The following BCL11A variants were observed in gnomAD, a reference collection of about 807,000 sequenced individuals.
BCL11A encodes the protein B cell CLL/lymphoma 11A.
In BCL11A, 2 loss-of-function variants were observed where a neutral mutation model predicts 55.9. The ratio of observed to expected loss-of-function variants is 0.04; its 90% CI spans 0.01 to 0.11. The LOEUF is 0.11. Ranked by LOEUF, BCL11A falls within the 10% of genes least tolerant of loss-of-function variation. BCL11A has a pLI of 1.00. For synonymous variants in BCL11A, 465 were observed against 473.4 expected, an observed-to-expected ratio of 0.98 and a Z score of 0.23; for missense variants, 817 against 1,137.1, an observed-to-expected ratio of 0.72 and a Z score of 4.05.
intron 2 of BCL11A, among the ~76,000 whole-genome samples, chr2:60,496,311 T>A (rs1678946479): frequency 6.6e-6 from 1 of 152,142 alleles, no homozygotes. Context: ...GAGTGGACCA[T>A]CCCAGTGGTG....
intron 2 of BCL11A, chr2:60,522,802 T>G (rs1047820791): frequency 2.0e-5 from 3 of 152,260 alleles, no homozygotes; most frequent in Admixed American, 2.0e-4. Flanking sequence ...CTGCACAGAA[T>G]TCATTCACAG....
intron 2 of BCL11A, 128 bp from the exon 3 acceptor site, chr2:60,468,961 C>G (rs1274374611): frequency 2.1e-5 from 13 of 619,624 alleles, no homozygotes; most frequent in African/African-American, 1.4e-4. Context: ...AGATAGTTAA[C>G]AGGCCCAAGG....
intron 2 of BCL11A, among the ~76,000 whole-genome samples, chr2:60,505,889 A>C (rs1367121657): frequency 6.6e-6 from 1 of 152,148 alleles, no homozygotes; most frequent in Non-Finnish European, 1.5e-5. Context: ...TGGGCAGAAA[A>C]ATCTGCATCC....
intron 2 of BCL11A, among the ~76,000 whole-genome samples, chr2:60,482,889 T>C (rs1678042528): frequency 6.6e-6 from 1 of 152,254 alleles, no homozygotes; most frequent in South Asian, 2.1e-4. Context: ...CAATAATTGA[T>C]AGCAGAGTCA....
In BCL11A at chr2:60,461,138, C is replaced by A; in HGVS notation, c.1774G>T (p.Gly592Cys). The change falls in exon 4 of 4, where the codon GGC becomes TGC. Residue 592 changes from glycine (G) to cysteine (C), a missense_variant. Gly to Cys is a radical substitution (Grantham distance 159). Coordinates refer to ENST00000642384, the MANE Select transcript of BCL11A (RefSeq NM_022893.4). Reference protein sequence around the residue: ...RDTCDEDSVAGESDRIDDGTV... With the variant: ...RDTCDEDSVACESDRIDDGTV... ...CCATCGTCTATGCGGTCCGACTCGC[C>A]GGCCACCGAGTCTTCGTCGCAAGTG... 1 of 1,611,336 alleles carries A rather than the reference C, an allele frequency of 6.2e-7. No individual in the cohort carries two copies. The highest frequency in any genetic ancestry group is 1.3e-5 in the African/African-American group (1 of 75,014).
chr2:60,542,661 C>T (rs187141643), intron 2 of BCL11A: 2 of 152,298 alleles, frequency 1.3e-5, no homozygotes, highest in East Asian at 3.9e-4. Context: ...ATGTGTACAG[C>T]TCATATGTGT....
At chr2:60,495,643 A>T (rs1678902678) in intron 2 of BCL11A, 1 of 152,254 alleles carries the variant, frequency 6.6e-6, no homozygotes, top group Non-Finnish European at 1.5e-5. Flanking sequence ...TGTGATGCTT[A>T]CATATAACGT....
intron 2 of BCL11A, among the ~76,000 whole-genome samples, chr2:60,486,312 T>G (rs1572993375): frequency 6.6e-6 from 1 of 152,328 alleles, no homozygotes; most frequent in South Asian, 2.1e-4. Flanking sequence ...CTGGCCCACC[T>G]TGCCCCACCT....
downstream of BCL11A, chr2:60,452,686 AGAG>A (rs1161072325): frequency 6.9e-6 from 11 of 1,582,780 alleles, no homozygotes; most frequent in African/African-American, 1.2e-4. Context: ...GGTTGGAGAC[AGAG>A]GAGGGGGAAA....
rs986223749 is a variant in BCL11A at position 60,459,253 on chromosome 2, T to G, written c.*1151A>C. On this transcript the variant is annotated 3_prime_UTR_variant, in exon 4 of 4. Coordinates refer to ENST00000642384, the MANE Select transcript of BCL11A (RefSeq NM_022893.4). ...CACTTGACAACCAAGTAGATCTGGA[T>G]CTATTTCTTTTGGTGCCAGTATTTT... 130 of 1,018,808 alleles carry G rather than the reference T, an allele frequency of 1.3e-4. No individual in the cohort carries two copies. The highest frequency in any genetic ancestry group is 1.5e-4 in the Non-Finnish European group (124 of 849,064). The allele number at this position is 1,018,808 out of a possible 1,614,324, so 63.1% of individuals were successfully genotyped here.
chr2:60,534,200 T>G (rs1669575579), intron 2 of BCL11A: 1 of 152,208 alleles, frequency 6.6e-6, no homozygotes, highest in Admixed American at 6.5e-5. Context: ...AGGGAGACAC[T>G]GGGAGCCCAG....
intron 2 of BCL11A, chr2:60,537,105 C>G (rs1340258884): frequency 6.6e-6 from 1 of 152,164 alleles, no homozygotes; most frequent in Non-Finnish European, 1.5e-5. Context: ...GTTAAAAGGA[C>G]AGCAGTTGTT....
At position 60,553,292 on chromosome 2, in the gene BCL11A, CGGCGG is replaced by C; in HGVS notation, c.-27_-23del. ...ACATGGTGGGCTGCGGGGCGGGCGG[CGGCGG>C]CGGCGGCGGCGGCGGCGGGCGGACG... On this transcript the variant is annotated 5_prime_UTR_variant, in exon 1 of 4. Coordinates refer to ENST00000642384, the MANE Select transcript of BCL11A (RefSeq NM_022893.4). 6.7e-7 allele frequency: 1 copy of C among 1,494,140 alleles called. No individual in the cohort carries two copies. The allele number at this position is 1,494,140 out of a possible 1,614,324, so 92.6% of individuals were successfully genotyped here.
chr2:60,546,978 C>G lies in BCL11A; in HGVS notation c.56-678G>C, dbSNP rs1670185780. ...CAGCATAATTCACACTGCCAAAAAC[C>G]TTTCTGCTCTCACTCTCAGCAGTGC... On this transcript the variant is annotated intron_variant, in intron 1 of 3. Transcript: ENST00000642384. The surrounding 1 kb of genome is among the most constrained non-coding windows in gnomAD (Gnocchi z 4.1). Among the ~76,000 whole-genome samples, 3 of 152,198 alleles carry G rather than the reference C, an allele frequency of 2.0e-5. No individual in the cohort carries two copies. The South Asian group carries it at 6.2e-4, about 31-fold the overall frequency.
intron 2 of BCL11A, chr2:60,545,030 T>C (rs2104742030): frequency 6.6e-6 from 1 of 152,330 alleles, no homozygotes; most frequent in South Asian, 2.1e-4. Flanking sequence ...TACGTGTGTG[T>C]ATTTTTCCAA....
chr2:60,467,872 GGTGATGGTGGTGGTGGTA>G (rs1282603516), intron 3 of BCL11A, among the ~76,000 whole-genome samples: 29 of 118,012 alleles, frequency 2.5e-4, no homozygotes, highest in African/African-American at 9.2e-4. Flanking sequence ...TGGTACTGGT[GGTGATGGTGGTGGTGGTA>G]GTGATGGTGG....
chr2:60,468,402 A>G (rs1195228284), intron 3 of BCL11A, among the ~76,000 whole-genome samples: 1 of 152,188 alleles, frequency 6.6e-6, no homozygotes, highest in Non-Finnish European at 1.5e-5. Flanking sequence ...ATGAGGCCAC[A>G]GGAGTGAATG....
chr2:60,502,271 G>A (rs1679334041), intron 2 of BCL11A, among the ~76,000 whole-genome samples: 1 of 152,220 alleles, frequency 6.6e-6, no homozygotes, highest in Non-Finnish European at 1.5e-5. Context: ...ATGATGGATA[G>A]CAGATTTGCT....
At chr2:60,492,577 C>T (rs956034191) in intron 2 of BCL11A, among the ~76,000 whole-genome samples, 1 of 152,050 alleles carries the variant, frequency 6.6e-6, no homozygotes, top group Non-Finnish European at 1.5e-5. Context: ...GACCCAAATG[C>T]TCTGCTTATG....
Sources: gnomAD v4.1 joint callset for allele counts (sites outside exome capture counted in the v4.1 genomes callset) on GRCh38, gnomAD v4.1.1 for gene constraint, Gnocchi (gnomAD v3.1) non-coding constraint, MANE v1.5 for transcripts, NCBI Gene and HGNC (gene_info 2026-07-23, HGNC 2026-07-21) for gene names.